The following INSYN2B variants were observed in gnomAD, a reference collection of about 807,000 sequenced individuals.
INSYN2B encodes inhibitory synaptic factor family member 2B, also known as protein INSYN2B.
In INSYN2B, 16 loss-of-function variants were observed where a neutral mutation model predicts 41.2. That is an observed-to-expected ratio of 0.39 (90% confidence interval 0.26 to 0.59). The LOEUF (loss-of-function observed/expected upper bound fraction) is 0.59. Ranked by LOEUF, INSYN2B falls within the 20% of genes least tolerant of loss-of-function variation. The pLI, the probability that INSYN2B is intolerant of heterozygous loss-of-function variation, is 0.57. For synonymous variants in INSYN2B, 245 were observed against 244.4 expected (o/e 1.00, Z -0.02); for missense variants, 608 against 646.4 (o/e 0.94, Z 0.64).
At chr5:169,954,685 C>T (rs1776792892) in intron 1 of INSYN2B, among the ~76,000 whole-genome samples, 1 of 152,166 alleles carries the variant, frequency 6.6e-6, no homozygotes. Context: ...GAATCCTGGG[C>T]CCTTTCAAAC....
chr5:169,878,550 A>G (rs545698770), intron 3 of INSYN2B, among the ~76,000 whole-genome samples: 80 of 152,250 alleles, frequency 5.3e-4, no homozygotes, highest in Non-Finnish European at 8.5e-4. Flanking sequence ...CTTTCTTTGC[A>G]GAGAAATGTG....
Position 169,884,085 on chromosome 5 carries a change from C to T in INSYN2B, c.-187G>A, listed in dbSNP as rs1188120809. ...CCAGCCTCTAGAGTCTACGTAGGAA[C>T]TATCTGTAATGCTTTCCCTGCAGTT... On this transcript the variant is annotated 5_prime_UTR_variant, in exon 2 of 4. Coordinates refer to ENST00000377365, the MANE Select transcript of INSYN2B (RefSeq NM_001129891.3). 2.2e-6 allele frequency: 1 copy of T among 455,002 alleles called. No homozygotes were observed. Among genetic ancestry groups the T allele is most frequent in the Non-Finnish European group, 3.8e-6 (1 of 262,324 alleles). 28.2% of individuals were successfully genotyped at this position (455,002 alleles called of 1,614,324 possible).
chr5:169,862,455 C>T lies in INSYN2B; in HGVS notation c.*1818G>A, dbSNP rs950226714. ...TCACTTTATTGGATTATCCTCTATTCTGTTCTTTTCCATTGCTGGGGCCAA... is the reference window on the plus strand; with the variant it reads ...TCACTTTATTGGATTATCCTCTATTTTGTTCTTTTCCATTGCTGGGGCCAA... On this transcript the variant is annotated 3_prime_UTR_variant, in exon 4 of 4. Transcript: ENST00000377365. Among the ~76,000 whole-genome samples the T allele has an allele frequency of 6.6e-6, 1 of 152,146 alleles. No homozygotes were observed. Among genetic ancestry groups the T allele is most frequent in the Non-Finnish European group, 1.5e-5 (1 of 68,032 alleles).
At chr5:169,895,841 G>A (rs975318155) in intron 1 of INSYN2B, among the ~76,000 whole-genome samples, 4 of 152,136 alleles carry the variant, frequency 2.6e-5, no homozygotes, top group Admixed American at 2.0e-4. Flanking sequence ...CTCACATAAC[G>A]CAGTGCCTGG....
chr5:169,899,856 A>AC (rs1773819604), intron 1 of INSYN2B, among the ~76,000 whole-genome samples: 1 of 152,206 alleles, frequency 6.6e-6, no homozygotes, highest in Admixed American at 6.5e-5. Flanking sequence ...TTCCAGAAAA[A>AC]AATTAAGCAG....
At chr5:169,914,664 C>T (rs933075447) in intron 1 of INSYN2B, among the ~76,000 whole-genome samples, 1 of 152,204 alleles carries the variant, frequency 6.6e-6, no homozygotes, top group Non-Finnish European at 1.5e-5. Context: ...TTTCTGGCAT[C>T]TTAGTAGTAA....
At chr5:169,868,879 C>T (rs1771765104) in intron 3 of INSYN2B, among the ~76,000 whole-genome samples, 1 of 152,138 alleles carries the variant, frequency 6.6e-6, no homozygotes, top group Non-Finnish European at 1.5e-5. Flanking sequence ...CAACTTGAAG[C>T]CCAGCCCAAC....
At position 169,920,842 on chromosome 5, in the gene INSYN2B, AC is replaced by A. The variant is rs546616598; in HGVS notation, c.-918-36027del. 6.7e-4 allele frequency among the ~76,000 whole-genome samples: 95 copies of A among 141,658 alleles called. 1 individual carries two copies. In the Middle Eastern group the frequency reaches 0.01, roughly 15 times the overall value. 92.9% of individuals were successfully genotyped at this position (141,658 alleles called of 152,430 possible). ...GTGGATGGCTCTTCTTGTCTTTCTG[AC>A]CTCCACCCTAGGACACCTGTATCTC... On this transcript the variant is annotated intron_variant, in intron 1 of 3. Coordinates refer to ENST00000377365, the MANE Select transcript of INSYN2B (RefSeq NM_001129891.3).
intron 1 of INSYN2B, among the ~76,000 whole-genome samples, chr5:169,885,257 T>C (rs985150933): frequency 6.6e-6 from 1 of 152,238 alleles, no homozygotes; most frequent in African/African-American, 2.4e-5. Flanking sequence ...CACTACCCTG[T>C]AGACTCCGGA....
chr5:169,941,286 C>A (rs951316611), intron 1 of INSYN2B, among the ~76,000 whole-genome samples: 2 of 152,164 alleles, frequency 1.3e-5, no homozygotes, highest in African/African-American at 4.8e-5. Flanking sequence ...CGGCTCACTA[C>A]AACCTCTGCC....
chr5:169,964,012 A>G (rs1224101413), intron 1 of INSYN2B, among the ~76,000 whole-genome samples: 4 of 152,120 alleles, frequency 2.6e-5, no homozygotes, highest in Non-Finnish European at 5.9e-5. Flanking sequence ...CCCTCATGGA[A>G]GTGGCAGGAT....
chr5:169,914,254 T>A (rs1774758339), intron 1 of INSYN2B, among the ~76,000 whole-genome samples: 1 of 152,194 alleles, frequency 6.6e-6, no homozygotes, highest in South Asian at 2.1e-4. Context: ...CCTCATACTA[T>A]GTTCTAAAAC....
intron 1 of INSYN2B, among the ~76,000 whole-genome samples, chr5:169,974,368 CTCTT>C (rs537852581): frequency 5.1e-4 from 77 of 152,296 alleles, no homozygotes; most frequent in African/African-American, 1.8e-3. Flanking sequence ...ATACTAACTT[CTCTT>C]TCTTCTGGTT....
intron 1 of INSYN2B, among the ~76,000 whole-genome samples, chr5:169,907,401 C>T (rs1292141381): frequency 6.6e-6 from 1 of 152,200 alleles, no homozygotes; most frequent in African/African-American, 2.4e-5. Flanking sequence ...CCTGTTTACT[C>T]TCTGCTGGGT....
intron 3 of INSYN2B, among the ~76,000 whole-genome samples, chr5:169,876,776 G>A (rs1772361483): frequency 6.6e-6 from 1 of 152,176 alleles, no homozygotes; most frequent in Non-Finnish European, 1.5e-5. Flanking sequence ...AGGAGTGGTG[G>A]TGTACACTAA....
intron 1 of INSYN2B, among the ~76,000 whole-genome samples, chr5:169,966,711 C>A (rs956627239): frequency 3.9e-5 from 6 of 152,152 alleles, no homozygotes; most frequent in Non-Finnish European, 5.9e-5. Context: ...CTATGGTCTC[C>A]TCACTCTGGG....
chr5:169,911,102 C>G (rs1774570277), intron 1 of INSYN2B, among the ~76,000 whole-genome samples: 1 of 152,076 alleles, frequency 6.6e-6, no homozygotes, highest in Non-Finnish European at 1.5e-5. Context: ...GACATCAGTT[C>G]TTTTCTAGGT....
rs531380735 is a variant in INSYN2B, at chr5:169,884,072, G to A, written c.-174C>T. 1.0e-4 allele frequency: 52 copies of A among 495,644 alleles called. No homozygotes were observed. The highest frequency in any genetic ancestry group is 8.8e-4 in the African/African-American group (46 of 52,374). The allele number at this position is 495,644 out of a possible 1,614,324, so 30.7% of individuals were successfully genotyped here. A position where few individuals can be genotyped will look rare whatever the true frequency, so the allele number is the denominator to read the frequency against. ...CTGTTGGCCATTCCCAGCCTCTAGA[G>A]TCTACGTAGGAACTATCTGTAATGC... On this transcript the variant is annotated 5_prime_UTR_variant, in exon 2 of 4. Coordinates refer to ENST00000377365, the MANE Select transcript of INSYN2B (RefSeq NM_001129891.3).
At chr5:169,972,807 G>A (rs1777572561) in intron 1 of INSYN2B, among the ~76,000 whole-genome samples, 2 of 152,132 alleles carry the variant, frequency 1.3e-5, no homozygotes, top group Non-Finnish European at 1.5e-5. Context: ...TCTCCAATGT[G>A]GACTAAGAAT....
Sources: allele counts gnomAD v4.1 joint callset (sites outside exome capture counted in the v4.1 genomes callset), GRCh38; gene constraint gnomAD v4.1.1; transcripts MANE v1.5; gene names NCBI Gene and HGNC (gene_info 2026-07-23, HGNC 2026-07-21).